The following SCARA5 variants were observed in gnomAD, a reference collection of about 807,000 sequenced individuals.
The protein encoded by SCARA5 is scavenger receptor class A member 5.
SCARA5 carries 45 observed loss-of-function variants against 46.3 expected under a neutral mutation model. The observed-to-expected ratio is 0.97, with a 90% CI of 0.76 to 1.24. SCARA5 has a LOEUF of 1.24. Ranked by LOEUF, SCARA5 falls within the 50% of genes most tolerant of loss-of-function variation. The pLI is 0.00. For missense variants in SCARA5, 680 were observed against 689.0 expected, an observed-to-expected ratio of 0.99 and a Z score of 0.15; for synonymous variants, 333 against 306.5, an observed-to-expected ratio of 1.09 and a Z score of -0.90.
At chr8:27,917,511 A>C (rs1282558753) in intron 4 of SCARA5, among the ~76,000 whole-genome samples, 2 of 152,210 alleles carry the variant, frequency 1.3e-5, no homozygotes, top group African/African-American at 4.8e-5. Context: ...TCCTCTCTTC[A>C]CTGCTTACAG....
chr8:27,959,483 T>C (rs540600660), intron 3 of SCARA5, among the ~76,000 whole-genome samples: 1 of 152,136 alleles, frequency 6.6e-6, no homozygotes, highest in East Asian at 1.9e-4. Flanking sequence ...GTGAACAAGG[T>C]GCGGTGCCCT....
At chr8:27,937,706 G>T (rs1156377138) in intron 3 of SCARA5, among the ~76,000 whole-genome samples, 1 of 152,124 alleles carries the variant, frequency 6.6e-6, no homozygotes, top group Admixed American at 6.5e-5. Flanking sequence ...TGAGCTCCAG[G>T]GGTTGGCAGG....
At chr8:27,967,335 G>A (rs1808384160) in intron 2 of SCARA5, among the ~76,000 whole-genome samples, 2 of 152,176 alleles carry the variant, frequency 1.3e-5, no homozygotes, top group Admixed American at 1.3e-4. Flanking sequence ...ATGTCAGTTA[G>A]CAGCAAATCC....
rs1806814886 is a variant in SCARA5, at chr8:27,881,655, T to G, written c.1154-1889A>C. 2.6e-5 allele frequency among the ~76,000 whole-genome samples: 4 copies of G among 152,182 alleles called. No individual in the cohort carries two copies. In the South Asian group the frequency reaches 8.3e-4, roughly 32 times the overall value. ...TATACCCAGGTAATAAACCTGCACA[T>G]GTACCCCCTGAATCTAAAATAAAAG... On this transcript the variant is annotated intron_variant, in intron 7 of 8. Coordinates refer to ENST00000354914, the MANE Select transcript of SCARA5 (RefSeq NM_173833.6).
chr8:27,912,635 G>T (rs1395523277), intron 4 of SCARA5, among the ~76,000 whole-genome samples: 1 of 152,338 alleles, frequency 6.6e-6, no homozygotes, highest in African/African-American at 2.4e-5. Context: ...CTAGATCTCT[G>T]CTGCTGGGCT....
rs1375921924 is a variant in SCARA5, at chr8:27,891,166, C to CTGTATAGA, written c.1154-11408_1154-11401dup. On this transcript the variant is annotated intron_variant, in intron 7 of 8. Transcript: ENST00000354914. ...CCCTCTATAAAGACACAAGACATGT[C>CTGTATAGA]TGTATAGATGTGAACAGAACTACAA... 2.0e-5 allele frequency among the ~76,000 whole-genome samples: 3 copies of CTGTATAGA among 151,292 alleles called. No individual in the cohort carries two copies. In the East Asian group the frequency reaches 5.9e-4, roughly 30 times the overall value.
intron 3 of SCARA5, among the ~76,000 whole-genome samples, chr8:27,965,523 T>A (rs1808356103): frequency 1.9e-5 from 2 of 106,782 alleles, no homozygotes; most frequent in Non-Finnish European, 2.1e-5. Context: ...CAGGGCTCTA[T>A]CTGCATGACC....
At chr8:27,897,853 C>T (rs1179975675) in intron 7 of SCARA5, among the ~76,000 whole-genome samples, 1 of 152,266 alleles carries the variant, frequency 6.6e-6, no homozygotes, top group Non-Finnish European at 1.5e-5. Context: ...TTTCTTCCAA[C>T]TAGCAGTTCT....
chr8:27,937,589 C>T (rs570187314), intron 3 of SCARA5, among the ~76,000 whole-genome samples: 3 of 152,312 alleles, frequency 2.0e-5, no homozygotes, highest in South Asian at 2.1e-4. Flanking sequence ...GCCCTGGCTC[C>T]GGCTCTGATT....
chr8:27,873,898 A>C (rs1389512166), intron 8 of SCARA5, among the ~76,000 whole-genome samples: 1 of 151,996 alleles, frequency 6.6e-6, no homozygotes, highest in Non-Finnish European at 1.5e-5. Flanking sequence ...AAAAACACAA[A>C]AATTGGCTGG....
In SCARA5 at chr8:27,952,515, C is replaced by T. The variant is rs565773579; in HGVS notation, c.241+13899G>A. 2.6e-5 allele frequency among the ~76,000 whole-genome samples: 4 copies of T among 152,186 alleles called. No homozygotes were observed. The East Asian group carries it at 5.8e-4, about 22-fold the overall frequency. ...TCACCCAGGGGACACAGGCTGCAGACCCTGCAGAGCTACTTCCCTTAGCCC... is the reference window on the plus strand; with the variant it reads ...TCACCCAGGGGACACAGGCTGCAGATCCTGCAGAGCTACTTCCCTTAGCCC... On this transcript the variant is annotated intron_variant, in intron 3 of 8. Coordinates refer to ENST00000354914, the MANE Select transcript of SCARA5 (RefSeq NM_173833.6).
chr8:27,893,901 T>C (rs1387694052), intron 7 of SCARA5, among the ~76,000 whole-genome samples: 2 of 152,248 alleles, frequency 1.3e-5, no homozygotes, highest in Admixed American at 6.5e-5. Context: ...GACTGTGTAG[T>C]GGCCAGTGGC....
At chr8:27,874,064 A>C (rs1191061179) in intron 8 of SCARA5, among the ~76,000 whole-genome samples, 1 of 152,188 alleles carries the variant, frequency 6.6e-6, no homozygotes, top group African/African-American at 2.4e-5. Context: ...ACAGCAAAAA[A>C]CCAAATTATT....
In SCARA5 at chr8:27,922,214, C is replaced by T; in HGVS notation, c.273G>A (p.Leu91=). 6.3e-7 allele frequency: 1 copy of T among 1,584,670 alleles called. No homozygotes were observed. Among genetic ancestry groups the T allele is most frequent in the Non-Finnish European group, 8.6e-7 (1 of 1,164,106 alleles). Residue 91 remains leucine, a synonymous_variant, in exon 4 of 9, where the codon CTG becomes CTA. Coordinates refer to ENST00000354914, the MANE Select transcript of SCARA5 (RefSeq NM_173833.6). ...GGTTCACATTGCGAGTCAGGGCCTTCAGGTCGTCAGGGGAGCTGCGCGGCC... is the reference window on the plus strand; with the variant it reads ...GGTTCACATTGCGAGTCAGGGCCTTTAGGTCGTCAGGGGAGCTGCGCGGCC... The part of the protein sequence containing the change: ...VSRPRSSPDD[L]KALTRNVNRL...
chr8:27,924,403 T>C (rs1807648845), intron 3 of SCARA5, among the ~76,000 whole-genome samples: 1 of 152,248 alleles, frequency 6.6e-6, no homozygotes. Flanking sequence ...TTACAATCTT[T>C]CAGTGATGCT....
Position 27,966,451 on chromosome 8 carries a change from C to T in SCARA5, c.204G>A (p.Leu68=). ...LKHAVLGLYL[L]VFLILVGIFI... ...AGATGCCCACAAGAATCAGGAAGAC[C>T]AGCAGGTAGAGCCCCAGGACAGCAT... Residue 68 remains leucine (L), a synonymous_variant, in exon 3 of 9, where the codon CTG becomes CTA. Coordinates refer to ENST00000354914, the MANE Select transcript of SCARA5 (RefSeq NM_173833.6). The T allele has an allele frequency of 6.2e-7, 1 of 1,613,400 alleles. No individual in the cohort carries two copies. The highest frequency in any genetic ancestry group is 1.1e-5 in the South Asian group (1 of 90,966).
Position 27,872,974 on chromosome 8 carries a change from C to T in SCARA5, c.1352-904G>A, listed in dbSNP as rs575818518. Among the ~76,000 whole-genome samples the T allele has an allele frequency of 3.3e-5, 5 of 152,276 alleles. No homozygotes were observed. In the East Asian group the frequency reaches 5.8e-4, roughly 18 times the overall value. ...TGCAGTGACGTCAACACTGCGGTGG[C>T]GGGGGATCATTCCCGGAGGAATTTG... On this transcript the variant is annotated intron_variant, in intron 8 of 8. Coordinates refer to ENST00000354914, the MANE Select transcript of SCARA5 (RefSeq NM_173833.6).
chr8:27,978,223 GTTTCA>G (rs1453781923), intron 2 of SCARA5, among the ~76,000 whole-genome samples: 1 of 149,334 alleles, frequency 6.7e-6, no homozygotes, highest in African/African-American at 2.5e-5. Flanking sequence ...GAGAGAAAAG[GTTTCA>G]CCATGTTGGC....
At chr8:27,976,371 C>A (rs947922909) in intron 2 of SCARA5, among the ~76,000 whole-genome samples, 6 of 152,174 alleles carry the variant, frequency 3.9e-5, no homozygotes, top group African/African-American at 1.2e-4. Context: ...GGCCAAAAGA[C>A]CCTCCCCATA....
Sources: allele counts gnomAD v4.1 joint callset (sites outside exome capture counted in the v4.1 genomes callset), GRCh38; gene constraint gnomAD v4.1.1; transcripts MANE v1.5; gene names NCBI Gene and HGNC (gene_info 2026-07-23, HGNC 2026-07-21).